The following PTPN5 variants were observed in gnomAD, a reference collection of about 807,000 sequenced individuals.
PTPN5 encodes protein tyrosine phosphatase non-receptor type 5.
Under a neutral mutation model 73.9 loss-of-function variants are expected in PTPN5, and 29 were observed. That is an observed-to-expected ratio of 0.39 (90% CI 0.29 to 0.54). The LOEUF (loss-of-function observed/expected upper bound fraction) is 0.54. Among genes scored for constraint, PTPN5 ranks in the 20% least tolerant of loss-of-function variants. PTPN5 has a pLI of 0.65. For synonymous variants in PTPN5, 267 were observed against 304.7 expected (o/e 0.88, Z 1.29); for missense variants, 652 against 751.4 (o/e 0.87, Z 1.55).
Position 18,742,458 on chromosome 11 carries a change from G to T in PTPN5, c.529C>A (p.Pro177Thr), listed in dbSNP as rs572292742. 10 of 1,614,050 alleles carry T rather than the reference G, an allele frequency of 6.2e-6. No individual in the cohort carries two copies. In the South Asian group the frequency reaches 1.1e-4, roughly 18 times the overall value. ...RTPPEPPTPL[P>T]PEDRRQSVSR... is the part of the protein sequence containing the mutation. Reference sequence around the variant, plus strand: ...ACTGACTGGCGCCTGTCCTCAGGGGGCAGTGGGGTGGGTGGCTCTGGGGGT... The same window carrying T: ...ACTGACTGGCGCCTGTCCTCAGGGGTCAGTGGGGTGGGTGGCTCTGGGGGT... The change falls in exon 7 of 15, where the codon CCC becomes ACC. Residue 177 changes from proline to threonine, a missense_variant. Around this residue, in one of 3 missense-constraint regions of PTPN5, gnomAD observed 529 missense variants for 573.9 expected, o/e 0.92. Transcript: ENST00000358540. This position sits in a 1 kb window ranked among gnomAD's most constrained non-coding sequence, Gnocchi z 4.1.
rs1213443258 is a variant in PTPN5, at chr11:18,729,051, G to C, written c.1605-24C>G. The C allele has an allele frequency of 3.1e-6, 5 of 1,611,384 alleles. No homozygotes were observed. The highest frequency in any genetic ancestry group is 4.2e-6 in the Non-Finnish European group (5 of 1,179,188). On this transcript the variant is annotated intron_variant, in intron 14 of 14. Coordinates refer to ENST00000358540, the MANE Select transcript of PTPN5 (RefSeq NM_006906.2). This position sits in a 1 kb window ranked among gnomAD's most constrained non-coding sequence, Gnocchi z 5.2. Reference sequence around the variant, plus strand: ...CCCTGCCCGGCAGAGATGCACAGTGGGGGCAGGGTCGTGGAGGGATGGGCT... The same window carrying C: ...CCCTGCCCGGCAGAGATGCACAGTGCGGGCAGGGTCGTGGAGGGATGGGCT...
intron 3 of PTPN5, among the ~76,000 whole-genome samples, chr11:18,758,929 G>T (rs11024784): frequency 0.31 from 46,730 of 152,088 alleles, 7,494 homozygotes; most frequent in Middle Eastern, 0.43. Flanking sequence ...TAGAATATGA[G>T]AACTGTTTCT....
chr11:18,758,056 T>C (rs1257945353), intron 3 of PTPN5, among the ~76,000 whole-genome samples: 1 of 152,010 alleles, frequency 6.6e-6, no homozygotes, highest in Non-Finnish European at 1.5e-5. Flanking sequence ...GAATGAGACA[T>C]GGGATGAAGG....
chr11:18,776,722 C>T (rs947816769), intron 1 of PTPN5, among the ~76,000 whole-genome samples: 13 of 152,144 alleles, frequency 8.5e-5, no homozygotes, highest in African/African-American at 3.1e-4. Context: ...TATCTCAACC[C>T]CAGGCTTTAT....
At chr11:18,734,636 C>G (rs530570330) in intron 9 of PTPN5, among the ~76,000 whole-genome samples, 9 of 152,324 alleles carry the variant, frequency 5.9e-5, no homozygotes, top group Admixed American at 5.2e-4. Flanking sequence ...GCCCAGCCCC[C>G]ACTCTGCTCT....
chr11:18,776,938 G>C (rs1400967083), intron 1 of PTPN5, among the ~76,000 whole-genome samples: 1 of 152,136 alleles, frequency 6.6e-6, no homozygotes, highest in African/African-American at 2.4e-5. Flanking sequence ...GAGGTGGGCA[G>C]ATCACCTGAT....
intron 4 of PTPN5, 198 bp downstream of exon 4, chr11:18,743,808 A>G: frequency 1.6e-6 from 1 of 619,300 alleles, no homozygotes; most frequent in African/African-American, 1.9e-5. Flanking sequence ...GCAGGGTGTG[A>G]GGTCTCAGAT....
intron 1 of PTPN5, among the ~76,000 whole-genome samples, chr11:18,772,690 A>T (rs1406345947): frequency 6.6e-6 from 1 of 152,106 alleles, no homozygotes; most frequent in Non-Finnish European, 1.5e-5. Flanking sequence ...ACAGTTGTCC[A>T]TTTTTCATTT....
chr11:18,761,423 T>C (rs1196009006), intron 3 of PTPN5, among the ~76,000 whole-genome samples: 3 of 151,968 alleles, frequency 2.0e-5, no homozygotes, highest in African/African-American at 7.3e-5. Context: ...CACCTACACA[T>C]AGAAGAAGAG....
intron 9 of PTPN5, among the ~76,000 whole-genome samples, chr11:18,737,618 C>G (rs1849172491): frequency 2.0e-5 from 3 of 152,208 alleles, no homozygotes; most frequent in Admixed American, 2.0e-4. Flanking sequence ...CATTACCACC[C>G]TTTCTCTTTG....
intron 3 of PTPN5, among the ~76,000 whole-genome samples, chr11:18,748,334 G>C (rs191057091): frequency 6.6e-6 from 1 of 152,274 alleles, no homozygotes; most frequent in African/African-American, 2.4e-5. Context: ...GCACATTATG[G>C]AGGTGGTAGG....
In PTPN5 at chr11:18,733,212, A is replaced by T; in HGVS notation, c.1218+23T>A. On this transcript the variant is annotated intron_variant, in intron 11 of 14. Transcript: ENST00000358540. This position sits in a 1 kb window ranked among gnomAD's most constrained non-coding sequence, Gnocchi z 4.3. The stretch of plus-strand genomic sequence containing the variant: ...GTAGGGCGCAATGTAGCAGACACTT[A>T]GAATGGGGACGGGGGTCCCTACCTC... 6.2e-7 allele frequency: 1 copy of T among 1,604,644 alleles called. No homozygotes were observed. The highest frequency in any genetic ancestry group is 8.5e-7 in the Non-Finnish European group (1 of 1,172,438).
intron 4 of PTPN5, chr11:18,743,675 T>C (rs1447175418): frequency 2.4e-5 from 14 of 587,668 alleles, no homozygotes; most frequent in Admixed American, 3.0e-5. Flanking sequence ...CTCACAAATA[T>C]GTACATCAAA....
intron 12 of PTPN5, chr11:18,730,068 G>T: frequency 1.7e-6 from 1 of 572,826 alleles, no homozygotes; most frequent in Admixed American, 3.3e-5. Flanking sequence ...AACAACTTCA[G>T]GATCATCCAA....
At chr11:18,789,504 C>T (rs1156554441) in intron 1 of PTPN5, among the ~76,000 whole-genome samples, 1 of 152,192 alleles carries the variant, frequency 6.6e-6, no homozygotes, top group African/African-American at 2.4e-5. Context: ...CCAGGGGCCA[C>T]CATTCATTAT....
At chr11:18,741,049 A>G (rs1564894702) in intron 7 of PTPN5, among the ~76,000 whole-genome samples, 1 of 152,128 alleles carries the variant, frequency 6.6e-6, no homozygotes, top group East Asian at 1.9e-4. Context: ...CTCCAGTTCT[A>G]AAAGTTCCAT....
At chr11:18,770,010 C>G (rs1021357656) in intron 2 of PTPN5, among the ~76,000 whole-genome samples, 2 of 152,146 alleles carry the variant, frequency 1.3e-5, no homozygotes, top group African/African-American at 2.4e-5. Context: ...CTGGCTCTCT[C>G]ACACCTGGTC....
chr11:18,736,792 C>A (rs987890715), intron 9 of PTPN5, among the ~76,000 whole-genome samples: 4 of 152,160 alleles, frequency 2.6e-5, no homozygotes, highest in Admixed American at 6.5e-5. Flanking sequence ...CCCACCTTCC[C>A]CCAGTGGCCA....
intron 3 of PTPN5, among the ~76,000 whole-genome samples, chr11:18,750,882 C>A (rs1208222282): frequency 6.6e-6 from 1 of 152,152 alleles, no homozygotes; most frequent in Non-Finnish European, 1.5e-5. Context: ...GTTGGTGGGT[C>A]TCCACAGTCT....
Sources: allele counts gnomAD v4.1 joint callset (sites outside exome capture counted in the v4.1 genomes callset), GRCh38; gene constraint gnomAD v4.1.1; regional missense constraint gnomAD v4.1.1; non-coding constraint Gnocchi (gnomAD v3.1); transcripts MANE v1.5; gene names NCBI Gene and HGNC (gene_info 2026-07-23, HGNC 2026-07-21).